The following SECISBP2L variants were observed in gnomAD, a reference collection of about 807,000 sequenced individuals.
SECISBP2L encodes selenocysteine insertion sequence-binding protein 2-like.
A neutral mutation model predicts 114.7 loss-of-function variants in SECISBP2L; 43 were observed. The ratio of observed to expected loss-of-function variants is 0.38; its 90% CI spans 0.29 to 0.48. The LOEUF is 0.48. Among genes scored for constraint, SECISBP2L ranks in the 20% least tolerant of loss-of-function variants. The probability of loss-of-function intolerance (pLI) is 0.98; values close to 1 mark genes in which losing one functional copy is unlikely to be tolerated. For synonymous variants in SECISBP2L, 451 were observed against 439.7 expected (o/e 1.03, Z -0.32); for missense variants, 1,136 against 1,301.1 (o/e 0.87, Z 1.95).
At chr15:49,002,666 C>T (rs1192465497) in intron 14 of SECISBP2L, among the ~76,000 whole-genome samples, 2 of 152,204 alleles carry the variant, frequency 1.3e-5, no homozygotes, top group South Asian at 2.1e-4. Context: ...CAGTTTTCTA[C>T]ATATGGCTAG....
chr15:48,997,729 C>T (rs139796335), intron 16 of SECISBP2L, among the ~76,000 whole-genome samples: 28,765 of 151,826 alleles, frequency 0.19, 3,372 homozygotes, highest in Middle Eastern at 0.25. Flanking sequence ...ATTAGCTGGG[C>T]GTGGTGGTGC....
chr15:49,015,667 A>C (rs1001465258), intron 11 of SECISBP2L, among the ~76,000 whole-genome samples: 1 of 152,190 alleles, frequency 6.6e-6, no homozygotes. Context: ...AAATCTGACA[A>C]GGTTTGTTAA....
chr15:49,012,237 T>C (rs1902450998), intron 12 of SECISBP2L, among the ~76,000 whole-genome samples: 1 of 152,212 alleles, frequency 6.6e-6, no homozygotes, highest in Non-Finnish European at 1.5e-5. Flanking sequence ...TTATCTCATT[T>C]TGACCCTTTT....
At chr15:49,024,250 T>C (rs1902697075) in intron 7 of SECISBP2L, among the ~76,000 whole-genome samples, 1 of 152,036 alleles carries the variant, frequency 6.6e-6, no homozygotes, top group East Asian at 1.9e-4. Context: ...GTAATCCCAA[T>C]ACTTTGGGAG....
At chr15:49,009,442 G>C in intron 13 of SECISBP2L, 64 bp from the exon 14 acceptor site, 1 of 1,501,810 alleles carries the variant, frequency 6.7e-7, no homozygotes, top group Non-Finnish European at 9.0e-7. Flanking sequence ...GTTCTACGTT[G>C]ATCAATGCAA....
At chr15:49,045,235 C>A (rs942546574) in intron 1 of SECISBP2L, among the ~76,000 whole-genome samples, 1 of 152,110 alleles carries the variant, frequency 6.6e-6, no homozygotes, top group African/African-American at 2.4e-5. Context: ...GGAAGCTGTG[C>A]TTTGCCTGCT....
chr15:49,035,748 C>T, intron 2 of SECISBP2L, 90 bp from the exon 3 acceptor site: 1 of 1,137,866 alleles, frequency 8.8e-7, no homozygotes. Flanking sequence ...TAATAAAAGA[C>T]AAAACAGAAC....
At chr15:49,004,256 G>A (rs1296642076) in intron 14 of SECISBP2L, among the ~76,000 whole-genome samples, 1 of 152,126 alleles carries the variant, frequency 6.6e-6, no homozygotes, top group Non-Finnish European at 1.5e-5. Flanking sequence ...TCTGATGGCA[G>A]TTTGTATTTC....
chr15:49,034,256 T>A (rs1595795594), intron 3 of SECISBP2L, among the ~76,000 whole-genome samples: 1 of 152,188 alleles, frequency 6.6e-6, no homozygotes, highest in Non-Finnish European at 1.5e-5. Flanking sequence ...AAGATATGTC[T>A]AAGATGTCCC....
intron 14 of SECISBP2L, among the ~76,000 whole-genome samples, chr15:49,008,351 T>A (rs770555982): frequency 1.3e-5 from 2 of 152,208 alleles, no homozygotes; most frequent in Non-Finnish European, 2.9e-5. Context: ...CATTTAACTG[T>A]CAAAGTGTGC....
At chr15:49,005,260 G>A (rs997638528) in intron 14 of SECISBP2L, among the ~76,000 whole-genome samples, 23 of 152,118 alleles carry the variant, frequency 1.5e-4, no homozygotes, top group African/African-American at 5.6e-4. Flanking sequence ...AACTCAGGAG[G>A]TGGAGGTTGC....
intron 13 of SECISBP2L, among the ~76,000 whole-genome samples, chr15:49,010,188 T>C (rs1346251482): frequency 6.8e-6 from 1 of 146,924 alleles, no homozygotes. Context: ...CACTTCTTCA[T>C]TTCTAGTTTT....
At chr15:49,023,703 G>A (rs1338430049) in intron 7 of SECISBP2L, among the ~76,000 whole-genome samples, 1 of 152,168 alleles carries the variant, frequency 6.6e-6, no homozygotes, top group Non-Finnish European at 1.5e-5. Flanking sequence ...GAAAAAGTGT[G>A]GAAGCCCTTT....
Position 48,989,394 on chromosome 15 carries a change from T to G in SECISBP2L, c.*2850A>C, listed in dbSNP as rs531721877. On this transcript the variant is annotated 3_prime_UTR_variant, in exon 18 of 18. Coordinates refer to ENST00000559471, the MANE Select transcript of SECISBP2L (RefSeq NM_001193489.2). ...TTTTGACTAATTCTTTTCCAAATAC[T>G]GGAATCATATAAAATACCATCTCTG... The G allele has an allele frequency of 1.3e-5, 2 of 152,614 alleles. No individual in the cohort carries two copies. The highest frequency in any genetic ancestry group is 2.9e-5 in the Non-Finnish European group (2 of 67,988). The allele number at this position is 152,614 out of a possible 1,614,324, so 9.5% of individuals were successfully genotyped here.
chr15:49,043,862 C>T (rs1178439482), intron 1 of SECISBP2L, among the ~76,000 whole-genome samples: 7 of 151,634 alleles, frequency 4.6e-5, no homozygotes, highest in African/African-American at 1.7e-4. Flanking sequence ...CAATCTTGAT[C>T]AGCACACATA....
At chr15:49,023,853 G>A (rs1402489743) in intron 7 of SECISBP2L, among the ~76,000 whole-genome samples, 1 of 152,172 alleles carries the variant, frequency 6.6e-6, no homozygotes, top group Non-Finnish European at 1.5e-5. Context: ...ATAATGAAGT[G>A]AAAAAACTCT....
intron 3 of SECISBP2L, among the ~76,000 whole-genome samples, chr15:49,033,873 C>A (rs569385448): frequency 5.3e-4 from 81 of 152,218 alleles, no homozygotes; most frequent in African/African-American, 1.9e-3. Context: ...TGATCTCTTC[C>A]TTTACTTTTA....
In SECISBP2L at chr15:49,025,454, G is replaced by A. The variant is rs537173610; in HGVS notation, c.1035+1911C>T. Reference sequence around the variant, plus strand: ...TACACCTTATGCACATAGCCGGAAGGTAATTTCATACATTATTTTAAATAA... The same window carrying A: ...TACACCTTATGCACATAGCCGGAAGATAATTTCATACATTATTTTAAATAA... On this transcript the variant is annotated intron_variant, in intron 7 of 17. Coordinates refer to ENST00000559471, the MANE Select transcript of SECISBP2L (RefSeq NM_001193489.2). 5.9e-5 allele frequency among the ~76,000 whole-genome samples: 9 copies of A among 152,238 alleles called. No individual in the cohort carries two copies. The South Asian group carries it at 1.9e-3, about 32-fold the overall frequency.
chr15:49,037,756 G>A lies in SECISBP2L; in HGVS notation c.38C>T (p.Ser13Leu), dbSNP rs1903043206. 4 of 1,599,344 alleles carry A rather than the reference G, an allele frequency of 2.5e-6. No homozygotes were observed. The highest frequency in any genetic ancestry group is 1.3e-5 in the African/African-American group (1 of 74,614). Reference sequence around the variant, plus strand: ...GGGAATAAATGGCTCCACCTCAGCTGACAGCTTGACATTCTTCAAAGAGAA... The same window carrying A: ...GGGAATAAATGGCTCCACCTCAGCTAACAGCTTGACATTCTTCAAAGAGAA... Reference protein sequence around the residue: ...RAPTEQNVKLSAEVEPFIPQK... With the variant: ...RAPTEQNVKLLAEVEPFIPQK... The change falls in exon 2 of 18, where the codon TCA becomes TTA. Residue 13 changes from serine (S) to leucine (L), a missense_variant. Physicochemically the swap from Ser to Leu is moderately radical, Grantham distance 145. Coordinates refer to ENST00000559471, the MANE Select transcript of SECISBP2L (RefSeq NM_001193489.2).
Sources: allele counts gnomAD v4.1 joint callset (sites outside exome capture counted in the v4.1 genomes callset), GRCh38; gene constraint gnomAD v4.1.1; transcripts MANE v1.5; gene names NCBI Gene and HGNC (gene_info 2026-07-23, HGNC 2026-07-21).